The following MAGI2 variants were observed in gnomAD, a reference collection of about 807,000 sequenced individuals.
The protein encoded by MAGI2 is membrane associated guanylate kinase, WW and PDZ domain containing 2.
Under a neutral mutation model 133.3 loss-of-function variants are expected in MAGI2, and 35 were observed. The observed-to-expected ratio is 0.26, with a 90% confidence interval of 0.20 to 0.35. The LOEUF (loss-of-function observed/expected upper bound fraction) is 0.35, where lower values mean the gene tolerates loss of function less well. Ranked by LOEUF, MAGI2 falls within the 10% of genes least tolerant of loss-of-function variation. MAGI2 has a pLI of 1.00. For synonymous variants in MAGI2, 729 were observed against 710.6 expected (o/e 1.03, Z -0.41); for missense variants, 1,636 against 1,863.4 (o/e 0.88, Z 2.25).
At chr7:78,609,034 G>C (rs967852280) in intron 3 of MAGI2, among the ~76,000 whole-genome samples, 1 of 152,200 alleles carries the variant, frequency 6.6e-6, no homozygotes, top group African/African-American at 2.4e-5. Flanking sequence ...AGGGCAGGAA[G>C]CATCTAGCAT....
rs68094889 is a variant in MAGI2 at position 78,553,108 on chromosome 7, AC to A, written c.539-31464del. On this transcript the variant is annotated intron_variant, in intron 3 of 21. Transcript: ENST00000354212. ...CAACTTTAAATTAAAAAAAAAAAAA[AC>A]AAACACCAAAGTGTATTCCAGAGCC... Among the ~76,000 whole-genome samples the A allele has an allele frequency of 6.5e-3, 967 of 148,130 alleles. 10 individuals carry two copies. Among genetic ancestry groups the A allele is most frequent in the African/African-American group, 0.013 (542 of 41,002 alleles).
intron 6 of MAGI2, among the ~76,000 whole-genome samples, chr7:78,386,120 A>G (rs1795368158): frequency 6.6e-6 from 1 of 152,200 alleles, no homozygotes; most frequent in East Asian, 1.9e-4. Flanking sequence ...GAAGGACTAG[A>G]TTAAACATCA....
At position 78,087,047 on chromosome 7, in the gene MAGI2, C is replaced by A. The variant is rs1049449160; in HGVS notation, c.3568-7962G>T. On this transcript the variant is annotated intron_variant, in intron 20 of 21. Transcript: ENST00000354212. The stretch of plus-strand genomic sequence containing the variant: ...TCTCCCCACTTCAAAAAGGGAAATC[C>A]TACTTATCTTTTAGGAACCAAACTT... 3.3e-5 allele frequency among the ~76,000 whole-genome samples: 5 copies of A among 152,182 alleles called. No individual in the cohort carries two copies. In the East Asian group the frequency reaches 7.7e-4, roughly 24 times the overall value.
intron 2 of MAGI2, among the ~76,000 whole-genome samples, chr7:78,903,815 G>C (rs938289129): frequency 6.6e-6 from 1 of 152,116 alleles, no homozygotes; most frequent in Non-Finnish European, 1.5e-5. Context: ...TGAACAACTT[G>C]AGATATTTAT....
intron 1 of MAGI2, among the ~76,000 whole-genome samples, chr7:79,163,343 T>C (rs1038533038): frequency 2.0e-5 from 3 of 152,006 alleles, no homozygotes; most frequent in Admixed American, 6.6e-5. Context: ...TCCTGGCTAA[T>C]TTTTGTATTT....
chr7:78,337,679 T>A (rs879174863), intron 9 of MAGI2, among the ~76,000 whole-genome samples: 1 of 152,240 alleles, frequency 6.6e-6, no homozygotes, highest in Non-Finnish European at 1.5e-5. Flanking sequence ...TGAGGTTCAT[T>A]TGATATATAA....
In MAGI2 at chr7:78,731,107, A is replaced by G. The variant is rs142711441; in HGVS notation, c.419-103868T>C. Among the ~76,000 whole-genome samples, 99 of 152,204 alleles carry G rather than the reference A, an allele frequency of 6.5e-4. No individual in the cohort carries two copies. In the East Asian group the frequency reaches 0.01, roughly 15 times the overall value. On this transcript the variant is annotated intron_variant, in intron 2 of 21. Transcript: ENST00000354212. ...CTCTTTAAACCCAACCTTTCAATTT[A>G]TAACAAATTACTTCCTTTGGGTGAA...
intron 1 of MAGI2, among the ~76,000 whole-genome samples, chr7:79,041,992 A>G (rs1292352448): frequency 6.6e-6 from 1 of 152,140 alleles, no homozygotes; most frequent in Non-Finnish European, 1.5e-5. Context: ...AAAATTATAA[A>G]CTAGGCTTCA....
Position 78,623,548 on chromosome 7 carries a change from A to G in MAGI2, c.538+3572T>C, listed in dbSNP as rs142088781. Among the ~76,000 whole-genome samples, 1,036 of 152,206 alleles carry G rather than the reference A, an allele frequency of 6.8e-3. 14 individuals carry two copies. Among genetic ancestry groups the G allele is most frequent in the African/African-American group, 0.018 (763 of 41,568 alleles). On this transcript the variant is annotated intron_variant, in intron 3 of 21. Transcript: ENST00000354212. Reference sequence around the variant, plus strand: ...TCTACTATCTTTTATTTTTGACAATATGAAGAAGGTACAGCACTAATGCAT... The same window carrying G: ...TCTACTATCTTTTATTTTTGACAATGTGAAGAAGGTACAGCACTAATGCAT...
chr7:78,163,628 T>C (rs1825315432), intron 15 of MAGI2, among the ~76,000 whole-genome samples: 1 of 152,130 alleles, frequency 6.6e-6, no homozygotes, highest in Admixed American at 6.5e-5. Flanking sequence ...TGCTGGCCTA[T>C]ATTTCATTCG....
chr7:78,606,705 T>C (rs886494107), intron 3 of MAGI2, among the ~76,000 whole-genome samples: 4 of 152,150 alleles, frequency 2.6e-5, no homozygotes, highest in African/African-American at 9.7e-5. Context: ...AAGAATCAGG[T>C]TTATAGTGTT....
intron 1 of MAGI2, chr7:79,414,816 C>T (rs1846389107): frequency 6.6e-6 from 1 of 152,122 alleles, no homozygotes; most frequent in Non-Finnish European, 1.5e-5. Context: ...TGTTTCTCCT[C>T]TTTACGTCTT....
At chr7:78,226,125 A>G (rs1162092158) in intron 10 of MAGI2, among the ~76,000 whole-genome samples, 2 of 152,186 alleles carry the variant, frequency 1.3e-5, no homozygotes, top group Admixed American at 1.3e-4. Context: ...AATTTGCCAT[A>G]TGAGTTTTTA....
chr7:78,351,352 T>A (rs1234151105), intron 7 of MAGI2, among the ~76,000 whole-genome samples: 2 of 151,954 alleles, frequency 1.3e-5, no homozygotes, highest in Admixed American at 1.3e-4. Context: ...ACTAAAAGTA[T>A]AAAAATTAGC....
intron 7 of MAGI2, among the ~76,000 whole-genome samples, chr7:78,356,668 G>A (rs1448189961): frequency 1.3e-5 from 2 of 152,126 alleles, no homozygotes; most frequent in Non-Finnish European, 2.9e-5. Flanking sequence ...TATGTAACAG[G>A]GTGGAACCTT....
At position 78,032,888 on chromosome 7, in the gene MAGI2, A is replaced by T. The variant is rs114190394; in HGVS notation, c.3707-12912T>A. 5.4e-3 allele frequency among the ~76,000 whole-genome samples: 821 copies of T among 152,272 alleles called. 9 individuals are homozygous for T. The highest frequency in any genetic ancestry group is 0.018 in the African/African-American group (763 of 41,548). On this transcript the variant is annotated intron_variant, in intron 21 of 21. Transcript: ENST00000354212. Reference sequence around the variant, plus strand: ...GAGAGAGGGCTTGACATGTTCAAGGAATGACAAGAGGACTGGGAGGTAGAA... The same window carrying T: ...GAGAGAGGGCTTGACATGTTCAAGGTATGACAAGAGGACTGGGAGGTAGAA...
intron 9 of MAGI2, among the ~76,000 whole-genome samples, chr7:78,281,354 A>G (rs1795555319): frequency 1.3e-5 from 2 of 152,106 alleles, no homozygotes; most frequent in South Asian, 2.1e-4. Flanking sequence ...TAATTAAATT[A>G]TGGGGGCAGT....
At chr7:79,341,410 A>AG (rs1463262178) in intron 1 of MAGI2, among the ~76,000 whole-genome samples, 20 of 151,934 alleles carry the variant, frequency 1.3e-4, no homozygotes, top group Admixed American at 2.6e-4. Flanking sequence ...TAAAAAAAAA[A>AG]CAGCACCCTT....
chr7:79,152,368 TG>T (rs1267926504), intron 1 of MAGI2, among the ~76,000 whole-genome samples: 2 of 152,230 alleles, frequency 1.3e-5, no homozygotes, highest in Non-Finnish European at 2.9e-5. Flanking sequence ...TTGTGCTTTT[TG>T]GTAGGAAGGA....
Sources: allele counts gnomAD v4.1 joint callset (sites outside exome capture counted in the v4.1 genomes callset), GRCh38; gene constraint gnomAD v4.1.1; transcripts MANE v1.5; gene names NCBI Gene and HGNC (gene_info 2026-07-23, HGNC 2026-07-21).